CAD: variants seen among roughly 807,000 people sequenced by gnomAD.
CAD encodes the protein multifunctional protein CAD.
In CAD, 81 loss-of-function variants were observed where a neutral mutation model predicts 237.2. That is an observed-to-expected ratio of 0.34 (90% CI 0.29 to 0.41). The LOEUF is 0.41. Among genes scored for constraint, CAD ranks in the 10% least tolerant of loss-of-function variants. CAD has a pLI of 1.00. For synonymous variants in CAD, 1,196 were observed against 1,162.8 expected, an observed-to-expected ratio of 1.03 and a Z score of -0.58; for missense variants, 2,181 against 2,951.7, an observed-to-expected ratio of 0.74 and a Z score of 6.05.
At position 27,234,187 on chromosome 2, in the gene CAD, A is replaced by C; in HGVS notation, c.3579A>C (p.Leu1193=). ...KAIVHAVGQE[L]QVTGPFNLQL... ...TTGTGCATGCTGTGGGCCAGGAGCT[A>C]CAGGTCACAGGACCCTTCAATCTGC... Residue 1193 remains leucine, a synonymous_variant, in exon 22 of 44, where the codon CTA becomes CTC. Transcript: ENST00000264705. 1.9e-6 allele frequency: 3 copies of C among 1,614,236 alleles called. No individual in the cohort carries two copies. Among genetic ancestry groups the C allele is most frequent in the Non-Finnish European group, 2.5e-6 (3 of 1,180,032 alleles).
Position 27,239,235 on chromosome 2 carries a change from G to A in CAD, c.5253+3G>A. 1 of 1,603,198 alleles carries A rather than the reference G, an allele frequency of 6.2e-7. No individual in the cohort carries two copies. Among genetic ancestry groups the A allele is most frequent in the Non-Finnish European group, 8.5e-7 (1 of 1,172,228 alleles). ...CGCAGGAGGACACCTATGTGGAGGT[G>A]TGGGGATGAGGCCCAGAGCAGGAGG... is the stretch of plus-strand genomic sequence containing the variant. On this transcript the variant is annotated splice_donor_region_variant and intron_variant, in intron 32 of 43. Coordinates refer to ENST00000264705, the MANE Select transcript of CAD (RefSeq NM_004341.5). The surrounding 1 kb of genome is among the most constrained non-coding windows in gnomAD (Gnocchi z 4.0).
chr2:27,235,857 CAGTG>C lies in CAD; in HGVS notation c.4074+220_4074+223del. The C allele has an allele frequency of 2.1e-6, 1 of 482,850 alleles. No individual in the cohort carries two copies. Among genetic ancestry groups the C allele is most frequent in the Non-Finnish European group, 3.6e-6 (1 of 274,802 alleles). 29.9% of individuals were successfully genotyped at this position (482,850 alleles called of 1,614,324 possible). ...CACCACTGCACTCCAGCTTGGGAAA[CAGTG>C]AGATGCTGTCTCAAAAAAAAAAAAA... On this transcript the variant is annotated intron_variant, in intron 25 of 43. Coordinates refer to ENST00000264705, the MANE Select transcript of CAD (RefSeq NM_004341.5). The surrounding 1 kb of genome is among the most constrained non-coding windows in gnomAD (Gnocchi z 5.2).
chr2:27,235,568 A>G lies in CAD; in HGVS notation c.4002A>G (p.Leu1334=), dbSNP rs760381973. ...NKSELLPTVR[L]LESLGYSLYA... The stretch of plus-strand genomic sequence containing the variant: ...GCGAGCTGCTCCCAACTGTGCGGCT[A>G]CTGGAGAGCCTGGGCTACAGCCTCT... Residue 1334 remains leucine, a synonymous_variant, in exon 25 of 44, where the codon CTA becomes CTG. Coordinates refer to ENST00000264705, the MANE Select transcript of CAD (RefSeq NM_004341.5). This position sits in a 1 kb window ranked among gnomAD's most constrained non-coding sequence, Gnocchi z 5.2. 2 of 1,614,080 alleles carry G rather than the reference A, an allele frequency of 1.2e-6. No homozygotes were observed. Among genetic ancestry groups the G allele is most frequent in the Non-Finnish European group, 1.7e-6 (2 of 1,180,028 alleles).
Position 27,235,704 on chromosome 2 carries a change from C to A in CAD, c.4074+64C>A. 3 of 1,381,634 alleles carry A rather than the reference C, an allele frequency of 2.2e-6. No homozygotes were observed. The highest frequency in any genetic ancestry group is 3.1e-6 in the Non-Finnish European group (3 of 974,596). 85.6% of individuals were successfully genotyped at this position (1,381,634 alleles called of 1,614,324 possible). On this transcript the variant is annotated intron_variant, in intron 25 of 43. Transcript: ENST00000264705. The surrounding 1 kb of genome is among the most constrained non-coding windows in gnomAD (Gnocchi z 5.2). ...CCCCAAGGGGGTGAAAATACTGCAC[C>A]AAAGAATTATCTGGGCTGGGCACGG...
intron 16 of CAD, 59 bp downstream of exon 16, chr2:27,231,639 C>A: frequency 9.7e-7 from 1 of 1,029,096 alleles, no homozygotes. Context: ...CTCATCGCCC[C>A]CAGACCATGA....
Position 27,236,971 on chromosome 2 carries a change from C to CT in CAD, c.4396+144dup, listed in dbSNP as rs1340346334. On this transcript the variant is annotated intron_variant, in intron 27 of 43. Coordinates refer to ENST00000264705, the MANE Select transcript of CAD (RefSeq NM_004341.5). This position sits in a 1 kb window ranked among gnomAD's most constrained non-coding sequence, Gnocchi z 4.1. ...TGAAGACCCCAGAATGTTTCTCACTCTTTCATTCCTTAATCCACAGTGTCC... is the reference window on the plus strand; with the variant it reads ...TGAAGACCCCAGAATGTTTCTCACTCTTTTCATTCCTTAATCCACAGTGTCC... 6 of 708,496 alleles carry CT rather than the reference C, an allele frequency of 8.5e-6. No homozygotes were observed. The African/African-American group carries it at 8.9e-5, about 11-fold the overall frequency. The allele number at this position is 708,496 out of a possible 1,614,324, so 43.9% of individuals were successfully genotyped here.
rs1446489428 is a variant in CAD at position 27,235,028 on chromosome 2, GA to G, written c.3787-215del. On this transcript the variant is annotated intron_variant, in intron 23 of 43. Transcript: ENST00000264705. The surrounding 1 kb of genome is among the most constrained non-coding windows in gnomAD (Gnocchi z 5.2). ...AGGGGTGCTATTTGAATTGAGTTTT[GA>G]AGGATGGTTAAGGTTTTTTATTTGC... Among the ~76,000 whole-genome samples the G allele has an allele frequency of 6.6e-6, 1 of 152,194 alleles. No individual in the cohort carries two copies. The highest frequency in any genetic ancestry group is 1.5e-5 in the Non-Finnish European group (1 of 68,032).
rs1463593150 is a variant in CAD, at chr2:27,223,936, C to T, written c.1015C>T (p.His339Tyr). Residue 339 changes from histidine (H) to tyrosine (Y), a missense_variant, in exon 8 of 44, where the codon CAC becomes TAC. Around this residue, in one of 12 missense-constraint regions of CAD, gnomAD observed 129 missense variants for 143.3 expected, o/e 0.90. Coordinates refer to ENST00000264705, the MANE Select transcript of CAD (RefSeq NM_004341.5). The stretch of plus-strand genomic sequence containing the variant: ...CAATAGTGTCCAGTTTCACCCAGAG[C>T]ACCAAGCTGGCCCTTCAGATATGGA... ...PFFSVQFHPE[H>Y]QAGPSDMELL... 6.2e-7 allele frequency: 1 copy of T among 1,613,224 alleles called. No homozygotes were observed. Among genetic ancestry groups the T allele is most frequent in the Non-Finnish European group, 8.5e-7 (1 of 1,179,252 alleles).
Position 27,241,449 on chromosome 2 carries a change from C to T in CAD, c.5883+53C>T, listed in dbSNP as rs1676311949. 5.1e-6 allele frequency: 8 copies of T among 1,574,976 alleles called. No homozygotes were observed. The Admixed American group carries it at 1.2e-4, about 23-fold the overall frequency. On this transcript the variant is annotated intron_variant, in intron 38 of 43. Coordinates refer to ENST00000264705, the MANE Select transcript of CAD (RefSeq NM_004341.5). The surrounding 1 kb of genome is among the most constrained non-coding windows in gnomAD (Gnocchi z 4.6). ...CAGGCCATCGCCTGCCCTTGGGCCG[C>T]ATCAGCGCAGGGCCGCGCAGTGGTC...
In CAD at chr2:27,241,961, C is replaced by T; in HGVS notation, c.5934C>T (p.Ser1978=). Reference sequence around the variant, plus strand: ...ATGAAGTGAGCACACGGACCAGCAGCTCCTTTGCAGCAGCCATGGCCCGGC... The same window carrying T: ...ATGAAGTGAGCACACGGACCAGCAGTTCCTTTGCAGCAGCCATGGCCCGGC... ...MFYEVSTRTS[S]SFAAAMARLG... The change falls in exon 39 of 44, where the codon AGC becomes AGT. Residue 1978 remains serine, a synonymous_variant. Coordinates refer to ENST00000264705, the MANE Select transcript of CAD (RefSeq NM_004341.5). This position sits in a 1 kb window ranked among gnomAD's most constrained non-coding sequence, Gnocchi z 4.6. The T allele has an allele frequency of 6.2e-7, 1 of 1,613,752 alleles. No individual in the cohort carries two copies. Among genetic ancestry groups the T allele is most frequent in the Middle Eastern group, 1.6e-4 (1 of 6,062 alleles).
chr2:27,224,386 C>G lies in CAD; in HGVS notation c.1150C>G (p.Pro384Ala), dbSNP rs1675329519. The change falls in exon 9 of 44, where the codon CCC (proline) becomes GCC (alanine). Residue 384 changes from proline (P) to alanine (A), a missense_variant. By Grantham distance (27) the Pro-to-Ala change is conservative. Transcript: ENST00000264705. Reference sequence around the variant, plus strand: ...TGAGCGCCTCTGTCCCCCTGGGATTCCCACTCCCGGCTCTGGACTTCCACC... The same window carrying G: ...TGAGCGCCTCTGTCCCCCTGGGATTGCCACTCCCGGCTCTGGACTTCCACC... ...LTERLCPPGIPTPGSGLPPPR... is the reference protein window; with the variant it reads ...LTERLCPPGIATPGSGLPPPR... 5 of 1,614,208 alleles carry G rather than the reference C, an allele frequency of 3.1e-6. No individual in the cohort carries two copies. The South Asian group carries it at 5.5e-5, about 18-fold the overall frequency.
In CAD at chr2:27,225,775, G is replaced by C. The variant is rs1675421580; in HGVS notation, c.1691G>C (p.Gly564Ala). The C allele has an allele frequency of 6.2e-7, 1 of 1,614,240 alleles. No individual in the cohort carries two copies. Among genetic ancestry groups the C allele is most frequent in the Non-Finnish European group, 8.5e-7 (1 of 1,180,046 alleles). Residue 564 changes from glycine to alanine, a missense_variant, in exon 12 of 44, where the codon GGC (glycine) becomes GCC (alanine). Physicochemically the swap from Gly to Ala is moderately conservative, Grantham distance 60 (BLOSUM62 0). Coordinates refer to ENST00000264705, the MANE Select transcript of CAD (RefSeq NM_004341.5). ...GCAGCCTTTGCCCTGGGTGGCCTGG[G>C]CTCTGGCTTTGCCTCTAACAGGGAG... ...VRAAFALGGL[G>A]SGFASNREEL...
intron 13 of CAD, 25 bp downstream of exon 13, chr2:27,226,344 T>TA: frequency 6.2e-7 from 1 of 1,608,840 alleles, no homozygotes; most frequent in Non-Finnish European, 8.5e-7. Context: ...CTGGAACTGA[T>TA]AGTCTAGTTG....
chr2:27,233,844 T>G lies in CAD; in HGVS notation c.3399+36T>G, dbSNP rs765814155. 3 of 1,607,060 alleles carry G rather than the reference T, an allele frequency of 1.9e-6. No individual in the cohort carries two copies. The highest frequency in any genetic ancestry group is 2.6e-6 in the Non-Finnish European group (3 of 1,175,418). ...GCAGACAGTGAAGTCTCTGAGGGCA[T>G]GCTGCCAGCCCTGGAGGAGACTTCC... On this transcript the variant is annotated intron_variant, in intron 21 of 43. Transcript: ENST00000264705. The surrounding 1 kb of genome is among the most constrained non-coding windows in gnomAD (Gnocchi z 6.3).
chr2:27,226,095 G>C (rs1675434844), intron 12 of CAD, 36 bp from the exon 13 acceptor site: 2 of 1,600,810 alleles, frequency 1.2e-6, no homozygotes, highest in African/African-American at 1.3e-5. Flanking sequence ...TCCTGACTCT[G>C]CTTGGCAGTG....
At chr2:27,224,122 T>C in intron 8 of CAD, 93 bp downstream of exon 8, 1 of 1,002,974 alleles carries the variant, frequency 1.0e-6, no homozygotes, top group Non-Finnish European at 1.6e-6. Flanking sequence ...AACTCCTAGA[T>C]GTCTAGGAGG....
chr2:27,232,143 G>A lies in CAD; in HGVS notation c.2564G>A (p.Gly855Glu). 6.2e-7 allele frequency: 1 copy of A among 1,614,254 alleles called. No homozygotes were observed. Among genetic ancestry groups the A allele is most frequent in the Non-Finnish European group, 8.5e-7 (1 of 1,180,054 alleles). ...AHAQLLEQHR[G>E]QPLPPDLLQQ... ...GCCCAGCTGCTAGAACAACACCGTG[G>A]ACAGCCTTTGCCGCCAGACCTGCTG... The change falls in exon 17 of 44, where the codon GGA becomes GAA. Residue 855 changes from glycine (G) to glutamate (E), a missense_variant. Around this residue, in one of 12 missense-constraint regions of CAD, gnomAD observed 385 missense variants for 535.1 expected, o/e 0.72. Transcript: ENST00000264705. The surrounding 1 kb of genome is among the most constrained non-coding windows in gnomAD (Gnocchi z 4.1).
Position 27,238,566 on chromosome 2 carries a change from T to C in CAD, c.4996T>C (p.Ser1666Pro). The C allele has an allele frequency of 6.2e-7, 1 of 1,614,010 alleles. No individual in the cohort carries two copies. The highest frequency in any genetic ancestry group is 8.5e-7 in the Non-Finnish European group (1 of 1,179,978). Residue 1666 changes from serine (S) to proline (P), a missense_variant, in exon 31 of 44, where the codon TCC becomes CCC. Coordinates refer to ENST00000264705, the MANE Select transcript of CAD (RefSeq NM_004341.5). ...GGGGGAGGTCCGGCCTGAGCTTGGC[T>C]CCCGCCAGGATGTGGAAGCCCTGTG... ...GKGEVRPELGSRQDVEALWEN... is the reference protein window; with the variant it reads ...GKGEVRPELGPRQDVEALWEN...
Position 27,222,426 on chromosome 2 carries a change from A to G in CAD, c.495+90A>G, listed in dbSNP as rs35133828. On this transcript the variant is annotated intron_variant, in intron 4 of 43. Transcript: ENST00000264705. ...GGGGGGTGAACACAGGAGAGAATCA[A>G]AGGAGGCTTTGAAGGTAGGAGTTGG... 26,106 of 1,578,800 alleles carry G rather than the reference A, an allele frequency of 0.017. 353 individuals are homozygous for G. The highest frequency in any genetic ancestry group is 0.017 in the Non-Finnish European group (19,855 of 1,156,504).
Sources: allele counts gnomAD v4.1 joint callset (sites outside exome capture counted in the v4.1 genomes callset), GRCh38; gene constraint gnomAD v4.1.1; regional missense constraint gnomAD v4.1.1; non-coding constraint Gnocchi (gnomAD v3.1); transcripts MANE v1.5; gene names NCBI Gene and HGNC (gene_info 2026-07-23, HGNC 2026-07-21).